ERC1: variants seen among roughly 807,000 people sequenced by gnomAD.
The protein encoded by ERC1 is ELKS/RAB6-interacting/CAST family member 1, also known as RAB6 interacting protein 2.
A neutral mutation model predicts 132.0 loss-of-function variants in ERC1; 56 were observed. The observed-to-expected ratio is 0.42, with a 90% CI of 0.34 to 0.53. The LOEUF (loss-of-function observed/expected upper bound fraction) is 0.53. Among genes scored for constraint, ERC1 ranks in the 20% least tolerant of loss-of-function variants. The probability of loss-of-function intolerance (pLI) is 0.03; values close to 1 mark genes in which losing one functional copy is unlikely to be tolerated. For synonymous variants in ERC1, 478 were observed against 476.1 expected (o/e 1.00, Z -0.05); for missense variants, 1,202 against 1,349.9 (o/e 0.89, Z 1.72).
chr12:1,201,807 G>A (rs1186373616), intron 12 of ERC1, among the ~76,000 whole-genome samples: 3 of 152,204 alleles, frequency 2.0e-5, no homozygotes, highest in Non-Finnish European at 4.4e-5. Flanking sequence ...CATGAGGAAA[G>A]TGTCTCTTTA....
intron 12 of ERC1, 55 bp from the exon 13 acceptor site, chr12:1,236,714 T>C: frequency 6.5e-7 from 1 of 1,544,048 alleles, no homozygotes; most frequent in Non-Finnish European, 8.8e-7. Flanking sequence ...TAGATAAACA[T>C]ATTTGTTTCT....
intron 1 of ERC1, among the ~76,000 whole-genome samples, chr12:1,000,550 AAT>A (rs1157310409): frequency 2.6e-5 from 4 of 151,590 alleles, no homozygotes; most frequent in African/African-American, 9.7e-5. Flanking sequence ...TGTGAACTTA[AAT>A]TAAGTGTCTC....
At chr12:1,068,839 C>T (rs1939792726) in intron 2 of ERC1, among the ~76,000 whole-genome samples, 6 of 152,154 alleles carry the variant, frequency 3.9e-5, no homozygotes, top group Admixed American at 3.9e-4. Context: ...TGCATAGTCT[C>T]TGCATACGTA....
At chr12:1,252,901 T>C (rs193162742) in intron 13 of ERC1, among the ~76,000 whole-genome samples, 18 of 152,266 alleles carry the variant, frequency 1.2e-4, no homozygotes, top group African/African-American at 4.1e-4. Flanking sequence ...CTTCTGGATG[T>C]GTATATATGC....
rs74722849 is a variant in ERC1 at position 1,098,967 on chromosome 12, T to C, written c.1087-5783T>C. On this transcript the variant is annotated intron_variant, in intron 3 of 18. Transcript: ENST00000360905. ...AGAGTGAGAACTAAAAACAGGAGAG[T>C]GTGATGTCCTAATAGTCAAGAGAAA... 3.4e-3 allele frequency among the ~76,000 whole-genome samples: 514 copies of C among 151,484 alleles called. 4 individuals carry two copies. The highest frequency in any genetic ancestry group is 0.012 in the African/African-American group (483 of 41,236).
At chr12:1,167,592 T>C (rs1195967061) in intron 8 of ERC1, among the ~76,000 whole-genome samples, 1 of 151,996 alleles carries the variant, frequency 6.6e-6, no homozygotes, top group Non-Finnish European at 1.5e-5. Context: ...TTGTCAGACT[T>C]CCTCAATTTT....
At chr12:1,141,141 A>T (rs1239893438) in intron 7 of ERC1, among the ~76,000 whole-genome samples, 1 of 152,194 alleles carries the variant, frequency 6.6e-6, no homozygotes, top group Non-Finnish European at 1.5e-5. Context: ...GCTGTCTAAA[A>T]AGTAGACCTT....
At chr12:1,183,660 G>A (rs1954740348) in intron 11 of ERC1, among the ~76,000 whole-genome samples, 2 of 152,110 alleles carry the variant, frequency 1.3e-5, no homozygotes, top group South Asian at 2.1e-4. Context: ...CAACTCTCTT[G>A]TGGGTAAAAT....
rs185755660 is a variant in ERC1 at position 1,158,578 on chromosome 12, C to T, written c.1737+16791C>T. ...CCAGGTAGCTGGGATTACAGGCATG[C>T]GCCACCATGCCCAGCTAATTTTTCT... On this transcript the variant is annotated intron_variant, in intron 8 of 18. Transcript: ENST00000360905. Among the ~76,000 whole-genome samples the T allele has an allele frequency of 2.7e-3, 414 of 150,898 alleles. 3 individuals carry two copies. Among genetic ancestry groups the T allele is most frequent in the African/African-American group, 9.7e-3 (398 of 41,158 alleles).
intron 18 of ERC1, among the ~76,000 whole-genome samples, chr12:1,470,240 G>A (rs1289928016): frequency 6.6e-6 from 1 of 151,994 alleles, no homozygotes; most frequent in Non-Finnish European, 1.5e-5. Context: ...TGCAACCCTG[G>A]ACGTAGAGGG....
intron 1 of ERC1, among the ~76,000 whole-genome samples, chr12:1,007,330 A>G (rs1963812858): frequency 6.6e-6 from 1 of 152,198 alleles, no homozygotes; most frequent in African/African-American, 2.4e-5. Context: ...AATGGTTAAG[A>G]GGAGGCTATG....
At chr12:1,424,859 TAGATCGATA>T in intron 17 of ERC1, among the ~76,000 whole-genome samples, 3 of 117,468 alleles carry the variant, frequency 2.6e-5, no homozygotes, top group African/African-American at 1.2e-4. Flanking sequence ...GATAGATAGA[TAGATCGATA>T]GATAGATAGA....
chr12:1,401,330 T>C (rs1566777254), intron 16 of ERC1, among the ~76,000 whole-genome samples: 1 of 152,052 alleles, frequency 6.6e-6, no homozygotes, highest in Non-Finnish European at 1.5e-5. Context: ...GCAGTAGTCA[T>C]AGTAGTAGAA....
At chr12:1,415,542 T>C (rs1317758501) in intron 17 of ERC1, among the ~76,000 whole-genome samples, 2 of 152,228 alleles carry the variant, frequency 1.3e-5, no homozygotes, top group African/African-American at 2.4e-5. Flanking sequence ...AGTGTACTTA[T>C]CAGTTGGAAA....
At chr12:1,001,132 C>T (rs532780989) in intron 1 of ERC1, among the ~76,000 whole-genome samples, 19 of 152,310 alleles carry the variant, frequency 1.2e-4, no homozygotes, top group African/African-American at 3.1e-4. Flanking sequence ...AAACTCCTGA[C>T]CTCAGGTGAT....
chr12:1,016,606 A>G (rs1055226634), intron 1 of ERC1, among the ~76,000 whole-genome samples: 3 of 149,074 alleles, frequency 2.0e-5, no homozygotes, highest in South Asian at 2.1e-4. Context: ...CAGTATGTAT[A>G]TAACCATTGG....
intron 7 of ERC1, among the ~76,000 whole-genome samples, chr12:1,123,159 A>G (rs1197370175): frequency 6.6e-6 from 1 of 152,164 alleles, no homozygotes; most frequent in Non-Finnish European, 1.5e-5. Context: ...GCTTAAGAAA[A>G]TACAGTTACT....
At chr12:1,176,630 G>T (rs1953759677) in intron 8 of ERC1, among the ~76,000 whole-genome samples, 1 of 151,464 alleles carries the variant, frequency 6.6e-6, no homozygotes, top group South Asian at 2.1e-4. Context: ...GCCCAGGCTG[G>T]AGTGCAGTGA....
chr12:1,304,779 CTTTTTTTT>C (rs1186965322), intron 15 of ERC1, among the ~76,000 whole-genome samples: 807 of 70,002 alleles, frequency 0.012, 5 homozygotes, highest in African/African-American at 0.038. Flanking sequence ...TGTTGTAACT[CTTTTTTTT>C]TTTTTTTTTT....
Sources: allele counts gnomAD v4.1 joint callset (sites outside exome capture counted in the v4.1 genomes callset), GRCh38; gene constraint gnomAD v4.1.1; transcripts MANE v1.5; gene names NCBI Gene and HGNC (gene_info 2026-07-23, HGNC 2026-07-21).